The following NPAS3 variants were observed in gnomAD, a reference collection of about 807,000 sequenced individuals.
NPAS3 encodes the protein neuronal PAS domain protein 3, also known as neuronal PAS domain-containing protein 3.
Under a neutral mutation model 73.1 loss-of-function variants are expected in NPAS3, and 14 were observed. The ratio of observed to expected loss-of-function variants is 0.19; its 90% CI spans 0.13 to 0.30. The LOEUF (loss-of-function observed/expected upper bound fraction) is 0.30. NPAS3 is among the 10% of genes least tolerant of loss of function. NPAS3 has a pLI of 1.00. For missense variants in NPAS3, 1,096 were observed against 1,250.0 expected, an observed-to-expected ratio of 0.88 and a Z score of 1.86; for synonymous variants, 620 against 541.5, an observed-to-expected ratio of 1.14 and a Z score of -2.01.
At chr14:33,711,810 C>T (rs1340333149) in intron 6 of NPAS3, among the ~76,000 whole-genome samples, 1 of 152,104 alleles carries the variant, frequency 6.6e-6, no homozygotes, top group Non-Finnish European at 1.5e-5. Context: ...TGACTCAGGG[C>T]AGTAACGTTC....
chr14:32,946,977 T>C (rs2036288608), intron 1 of NPAS3, among the ~76,000 whole-genome samples: 1 of 152,198 alleles, frequency 6.6e-6, no homozygotes, highest in Non-Finnish European at 1.5e-5. Context: ...GTGAGTTGGG[T>C]ACCTAGTGTA....
chr14:33,682,087 A>C (rs1156570912), intron 6 of NPAS3, among the ~76,000 whole-genome samples: 22 of 152,232 alleles, frequency 1.4e-4, no homozygotes, highest in Admixed American at 1.4e-3. Context: ...CAACTAATAA[A>C]TGAAATTAAA....
intron 2 of NPAS3, among the ~76,000 whole-genome samples, chr14:33,196,780 A>G (rs2046371462): frequency 6.6e-6 from 1 of 152,250 alleles, no homozygotes; most frequent in Non-Finnish European, 1.5e-5. Flanking sequence ...ACAGTAACAT[A>G]TAAATGAATG....
intron 5 of NPAS3, among the ~76,000 whole-genome samples, chr14:33,623,442 A>C (rs914302132): frequency 6.6e-6 from 1 of 152,226 alleles, no homozygotes; most frequent in Admixed American, 6.5e-5. Flanking sequence ...GCAGCTTCAC[A>C]ATACATCCAG....
chr14:32,961,562 A>G (rs112806880), intron 1 of NPAS3, among the ~76,000 whole-genome samples: 5,354 of 152,266 alleles, frequency 0.035, 128 homozygotes, highest in Non-Finnish European at 0.054. Flanking sequence ...TTCATCATCA[A>G]TAGTGTGCAT....
chr14:33,201,300 G>GGTGTGTGT (rs34700439), intron 2 of NPAS3, among the ~76,000 whole-genome samples: 1 of 151,036 alleles, frequency 6.6e-6, no homozygotes, highest in Admixed American at 6.6e-5. Context: ...CCCTAACAAT[G>GGTGTGTGT]GTGTGTGTGT....
At chr14:33,092,668 C>T (rs183829162) in intron 2 of NPAS3, among the ~76,000 whole-genome samples, 10 of 152,300 alleles carry the variant, frequency 6.6e-5, no homozygotes, top group African/African-American at 2.4e-4. Flanking sequence ...CAAGTCAATC[C>T]TAAGCCAAAA....
intron 4 of NPAS3, among the ~76,000 whole-genome samples, chr14:33,532,232 T>A (rs1277016530): frequency 1.3e-5 from 2 of 152,202 alleles, no homozygotes; most frequent in Non-Finnish European, 2.9e-5. Context: ...ACTGAGCTTC[T>A]GATCTTTCCG....
intron 3 of NPAS3, among the ~76,000 whole-genome samples, chr14:33,334,865 T>C (rs1290882372): frequency 1.3e-5 from 2 of 152,306 alleles, no homozygotes; most frequent in East Asian, 3.9e-4. Context: ...GTATCATTCT[T>C]ATGTCTTTGC....
chr14:33,747,150 G>T (rs921535927), intron 7 of NPAS3, among the ~76,000 whole-genome samples: 15 of 151,850 alleles, frequency 9.9e-5, no homozygotes, highest in Non-Finnish European at 1.9e-4. Context: ...TATGTTTACT[G>T]CAGCATTATT....
At chr14:33,187,519 T>C (rs938270290) in intron 2 of NPAS3, among the ~76,000 whole-genome samples, 1 of 152,144 alleles carries the variant, frequency 6.6e-6, no homozygotes, top group Non-Finnish European at 1.5e-5. Flanking sequence ...TGTTGTATAC[T>C]TGTTTCCCTT....
At chr14:33,683,492 T>G (rs1313210008) in intron 6 of NPAS3, among the ~76,000 whole-genome samples, 1 of 150,082 alleles carries the variant, frequency 6.7e-6, no homozygotes, top group Non-Finnish European at 1.5e-5. Context: ...AATTATAAAT[T>G]CTATTTCTAT....
chr14:33,246,755 G>A (rs2048398277), intron 3 of NPAS3, among the ~76,000 whole-genome samples: 1 of 147,194 alleles, frequency 6.8e-6, no homozygotes, highest in Non-Finnish European at 1.5e-5. Flanking sequence ...CACTCTGGGA[G>A]CCCAAGGCGG....
intron 3 of NPAS3, among the ~76,000 whole-genome samples, chr14:33,283,094 A>AT (rs900001283): frequency 6.6e-6 from 1 of 152,214 alleles, no homozygotes; most frequent in African/African-American, 2.4e-5. Context: ...ATGCTGATGC[A>AT]TATTACTGAT....
chr14:33,759,246 G>A (rs1173237199), intron 7 of NPAS3, among the ~76,000 whole-genome samples: 1 of 152,226 alleles, frequency 6.6e-6, no homozygotes, highest in Non-Finnish European at 1.5e-5. Flanking sequence ...CAGCTATGGG[G>A]AGAAGGTCAT....
chr14:33,507,050 C>T (rs188097119), intron 4 of NPAS3, among the ~76,000 whole-genome samples: 274 of 151,752 alleles, frequency 1.8e-3, no homozygotes, highest in African/African-American at 6.1e-3. Context: ...TGAGGAGTGA[C>T]GTAAAAGAGC....
At chr14:33,125,364 T>C (rs938780091) in intron 2 of NPAS3, among the ~76,000 whole-genome samples, 1 of 151,870 alleles carries the variant, frequency 6.6e-6, no homozygotes, top group African/African-American at 2.4e-5. Context: ...AATTAGAAAA[T>C]CCAGGAGTCG....
intron 2 of NPAS3, among the ~76,000 whole-genome samples, chr14:33,059,229 ATATT>A (rs1220546829): frequency 3.3e-5 from 5 of 152,234 alleles, no homozygotes; most frequent in Non-Finnish European, 4.4e-5. Context: ...TTTGAATTAC[ATATT>A]TAAAGACATT....
chr14:33,661,259 TTGTC>T (rs945879099), intron 5 of NPAS3, among the ~76,000 whole-genome samples: 1 of 152,166 alleles, frequency 6.6e-6, no homozygotes. Flanking sequence ...AATAAAGTCT[TTGTC>T]TGGGTTTTAT....
Sources: gnomAD v4.1 joint callset for allele counts (sites outside exome capture counted in the v4.1 genomes callset) on GRCh38, gnomAD v4.1.1 for gene constraint, MANE v1.5 for transcripts, NCBI Gene and HGNC (gene_info 2026-07-23, HGNC 2026-07-21) for gene names.